Variants in SIL1 observed in about 807,000 individuals in gnomAD.
The protein encoded by SIL1 is SIL1 nucleotide exchange factor.
Under a neutral mutation model 49.1 loss-of-function variants are expected in SIL1, and 40 were observed. The observed-to-expected ratio is 0.81, with a 90% CI of 0.63 to 1.06. The LOEUF (loss-of-function observed/expected upper bound fraction) is 1.06, where lower values mean the gene tolerates loss of function less well. Among genes scored for constraint, SIL1 ranks in the 50% least tolerant of loss-of-function variants. The probability of loss-of-function intolerance (pLI) is 0.00; values close to 1 mark genes in which losing one functional copy is unlikely to be tolerated. For missense variants in SIL1, 500 were observed against 572.6 expected, an observed-to-expected ratio of 0.87 and a Z score of 1.29; for synonymous variants, 253 against 250.8, an observed-to-expected ratio of 1.01 and a Z score of -0.08.
chr5:139,026,683 T>C, intron 6 of SIL1, 118 bp downstream of exon 6: 1 of 927,552 alleles, frequency 1.1e-6, no homozygotes, highest in Middle Eastern at 2.2e-4. Flanking sequence ...AGATTAAAAA[T>C]AGTCTGTGCT....
intron 1 of SIL1, among the ~76,000 whole-genome samples, chr5:139,130,512 C>A (rs1750843210): frequency 6.6e-6 from 1 of 151,976 alleles, no homozygotes; most frequent in Non-Finnish European, 1.5e-5. Context: ...TTAACTGGAA[C>A]CCTCGTACAT....
At chr5:139,003,896 C>G (rs1378301239) in intron 7 of SIL1, among the ~76,000 whole-genome samples, 1 of 152,180 alleles carries the variant, frequency 6.6e-6, no homozygotes, top group Non-Finnish European at 1.5e-5. Context: ...ACAGGCACAC[C>G]TGAAATAACT....
intron 7 of SIL1, among the ~76,000 whole-genome samples, chr5:138,966,284 A>G (rs1182049095): frequency 6.6e-6 from 1 of 152,124 alleles, no homozygotes; most frequent in Admixed American, 6.5e-5. Flanking sequence ...CTCCAAACTA[A>G]TCCTCCAAGG....
At chr5:138,983,624 G>C (rs907408781) in intron 7 of SIL1, among the ~76,000 whole-genome samples, 1 of 151,960 alleles carries the variant, frequency 6.6e-6, no homozygotes, top group African/African-American at 2.4e-5. Flanking sequence ...GCGACACACA[G>C]ATGTGTGTCC....
intron 2 of SIL1, among the ~76,000 whole-genome samples, chr5:139,123,088 AG>A (rs1750679614): frequency 6.6e-6 from 1 of 152,254 alleles, no homozygotes; most frequent in Non-Finnish European, 1.5e-5. Flanking sequence ...TTATGAAGGC[AG>A]TCATAGATTC....
intron 1 of SIL1, among the ~76,000 whole-genome samples, chr5:139,140,965 T>A (rs2151801259): frequency 6.6e-6 from 1 of 152,274 alleles, no homozygotes; most frequent in Non-Finnish European, 1.5e-5. Context: ...AGGGTTTCCA[T>A]CCTGTGCTTT....
At chr5:139,156,136 G>A (rs1325515200) in intron 1 of SIL1, among the ~76,000 whole-genome samples, 1 of 152,138 alleles carries the variant, frequency 6.6e-6, no homozygotes, top group Non-Finnish European at 1.5e-5. Context: ...TAAAATATAT[G>A]TTTACGTAAT....
At chr5:139,143,302 T>TACACACACACAC (rs1440490025) in intron 1 of SIL1, among the ~76,000 whole-genome samples, 8 of 71,832 alleles carry the variant, frequency 1.1e-4, no homozygotes, top group African/African-American at 5.3e-4. Flanking sequence ...TGTATATACA[T>TACACACACACAC]ATATACACAC....
chr5:139,009,958 G>A (rs1768215683), intron 7 of SIL1, among the ~76,000 whole-genome samples: 2 of 151,956 alleles, frequency 1.3e-5, no homozygotes, highest in African/African-American at 2.4e-5. Context: ...TGCTCTTCTT[G>A]AGGAGCATCT....
chr5:139,106,633 A>G (rs66839813), intron 3 of SIL1, among the ~76,000 whole-genome samples: 2 of 152,002 alleles, frequency 1.3e-5, no homozygotes, highest in South Asian at 2.1e-4. Context: ...GAAAGACTCT[A>G]TACTTTCCAG....
At chr5:139,112,178 G>C (rs1340091319) in intron 3 of SIL1, among the ~76,000 whole-genome samples, 1 of 152,212 alleles carries the variant, frequency 6.6e-6, no homozygotes, top group East Asian at 1.9e-4. Context: ...GTGCAGTGGC[G>C]TGATCTCAGC....
At chr5:139,132,732 T>G (rs1750890113) in intron 1 of SIL1, among the ~76,000 whole-genome samples, 1 of 152,204 alleles carries the variant, frequency 6.6e-6, no homozygotes, top group East Asian at 1.9e-4. Context: ...AGGCCTGGCC[T>G]GCAGCCACGT....
chr5:139,038,296 T>A (rs1303122227), intron 5 of SIL1, among the ~76,000 whole-genome samples: 1 of 152,220 alleles, frequency 6.6e-6, no homozygotes, highest in Non-Finnish European at 1.5e-5. Context: ...TTTTGGGTAT[T>A]AAGTTATGAA....
At chr5:138,975,959 A>G (rs527608464) in intron 7 of SIL1, among the ~76,000 whole-genome samples, 1 of 152,254 alleles carries the variant, frequency 6.6e-6, no homozygotes, top group African/African-American at 2.4e-5. Flanking sequence ...ATAATTTGTT[A>G]TACAACAACA....
intron 3 of SIL1, among the ~76,000 whole-genome samples, chr5:139,076,886 T>C (rs1461046792): frequency 6.6e-6 from 1 of 152,134 alleles, no homozygotes; most frequent in African/African-American, 2.4e-5. Flanking sequence ...ATCCCAGCAC[T>C]TTGGGAGGCC....
At chr5:139,144,501 C>T (rs1289119955) in intron 1 of SIL1, among the ~76,000 whole-genome samples, 1 of 152,132 alleles carries the variant, frequency 6.6e-6, no homozygotes, top group East Asian at 1.9e-4. Flanking sequence ...GAATTAAACC[C>T]TCACATCTCT....
intron 1 of SIL1, among the ~76,000 whole-genome samples, chr5:139,182,550 C>T (rs578024557): frequency 4.8e-4 from 73 of 152,104 alleles, no homozygotes; most frequent in Non-Finnish European, 8.7e-4. Context: ...GAGCCGTGGA[C>T]GGCAAAGAAT....
At chr5:138,961,442 A>G (rs1375029206) in intron 7 of SIL1, among the ~76,000 whole-genome samples, 1 of 152,260 alleles carries the variant, frequency 6.6e-6, no homozygotes, top group Non-Finnish European at 1.5e-5. Flanking sequence ...AGAGGCAAAC[A>G]GAATAAGCAG....
intron 7 of SIL1, among the ~76,000 whole-genome samples, chr5:138,995,457 T>C (rs1385218939): frequency 6.6e-6 from 1 of 152,046 alleles, no homozygotes; most frequent in African/African-American, 2.4e-5. Context: ...GTCAGGCTGG[T>C]CTCAAACTCC....
Sources: gnomAD v4.1 joint callset for allele counts (sites outside exome capture counted in the v4.1 genomes callset) on GRCh38, gnomAD v4.1.1 for gene constraint, MANE v1.5 for transcripts, NCBI Gene and HGNC (gene_info 2026-07-23, HGNC 2026-07-21) for gene names.